The following KMT2C variants were observed in gnomAD, a reference collection of about 807,000 sequenced individuals.
KMT2C encodes histone-lysine N-methyltransferase 2C.
A neutral mutation model predicts 507.9 loss-of-function variants in KMT2C; 88 were observed. That is an observed-to-expected ratio of 0.17 (90% CI 0.15 to 0.21). The LOEUF is 0.21. Among genes scored for constraint, KMT2C ranks in the 10% least tolerant of loss-of-function variants. The probability of loss-of-function intolerance (pLI) is 1.00; values close to 1 mark genes in which losing one functional copy is unlikely to be tolerated. For synonymous variants in KMT2C, 2,049 were observed against 2,080.8 expected, an observed-to-expected ratio of 0.98 and a Z score of 0.42; for missense variants, 4,954 against 5,957.8, an observed-to-expected ratio of 0.83 and a Z score of 5.55.
At chr7:152,150,794 C>A (rs924528054) in intron 51 of KMT2C, 106 bp downstream of exon 51, 12 of 783,000 alleles carry the variant, frequency 1.5e-5, no homozygotes, top group Non-Finnish European at 2.4e-5. Flanking sequence ...ATTCCCCACA[C>A]AGAGCTCCAT....
chr7:152,364,570 C>T (rs1382895439), intron 1 of KMT2C, among the ~76,000 whole-genome samples: 4 of 147,412 alleles, frequency 2.7e-5, no homozygotes, highest in African/African-American at 7.9e-5. Context: ...GATTACACCA[C>T]TGCACTCCAG....
intron 1 of KMT2C, among the ~76,000 whole-genome samples, chr7:152,415,029 A>G (rs1360832580): frequency 6.6e-6 from 1 of 151,874 alleles, no homozygotes; most frequent in Non-Finnish European, 1.5e-5. Flanking sequence ...ATTTTTTTGT[A>G]GAGACAGGAT....
chr7:152,341,607 A>G (rs967798959), intron 2 of KMT2C, among the ~76,000 whole-genome samples: 35 of 152,220 alleles, frequency 2.3e-4, no homozygotes, highest in African/African-American at 8.2e-4. Context: ...CAGAAGGGAG[A>G]GTGCCAGAAC....
At chr7:152,414,738 C>T (rs1227975318) in intron 1 of KMT2C, among the ~76,000 whole-genome samples, 1 of 152,032 alleles carries the variant, frequency 6.6e-6, no homozygotes, top group East Asian at 1.9e-4. Flanking sequence ...TCAGGTGATC[C>T]ACCCACCTCA....
At chr7:152,206,006 G>C (rs2129137754) in intron 24 of KMT2C, among the ~76,000 whole-genome samples, 1 of 152,272 alleles carries the variant, frequency 6.6e-6, no homozygotes, top group South Asian at 2.1e-4. Context: ...ATAGAGCCCT[G>C]TGTTTAACAG....
At chr7:152,189,763 A>G (rs1162431730) in intron 31 of KMT2C, among the ~76,000 whole-genome samples, 1 of 152,206 alleles carries the variant, frequency 6.6e-6, no homozygotes, top group African/African-American at 2.4e-5. Flanking sequence ...ACAATGACAA[A>G]TATCTCATGA....
rs754727782 is a variant in KMT2C at position 152,181,774 on chromosome 7, G to C, written c.6086C>G (p.Pro2029Arg). ...RQRIPDSYAR[P>R]LLTPAPLDSG... ...ATCAAGAGGTGCAGGTGTCAACAAG[G>C]GTCGTGCATATGAGTCAGGTATCCT... Residue 2029 changes from proline (P) to arginine (R), a missense_variant, in exon 36 of 59, where the codon CCC becomes CGC. Pro to Arg is a moderately radical substitution (Grantham distance 103). Transcript: ENST00000262189. The C allele has an allele frequency of 1.1e-5, 17 of 1,613,952 alleles. No individual in the cohort carries two copies. Among genetic ancestry groups the C allele is most frequent in the African/African-American group, 2.7e-5 (2 of 74,870 alleles).
At chr7:152,289,647 G>A (rs555163311) in intron 6 of KMT2C, among the ~76,000 whole-genome samples, 15 of 152,296 alleles carry the variant, frequency 9.8e-5, no homozygotes, top group Non-Finnish European at 1.8e-4. Flanking sequence ...TAGAACATGA[G>A]TGGACAATAA....
intron 16 of KMT2C, among the ~76,000 whole-genome samples, chr7:152,231,475 G>T (rs1377696128): frequency 1.3e-5 from 2 of 152,296 alleles, no homozygotes; most frequent in Non-Finnish European, 2.9e-5. Flanking sequence ...CTTTTCTTGA[G>T]GAACAACTGA....
intron 4 of KMT2C, 44 bp downstream of exon 4, chr7:152,315,094 T>C (rs200285496): frequency 1.6e-5 from 23 of 1,419,312 alleles, no homozygotes; most frequent in East Asian, 1.4e-4. Context: ...ATAAATTATA[T>C]GCAGTCTTAA....
intron 48 of KMT2C, among the ~76,000 whole-genome samples, 194 bp from the exon 49 acceptor site, chr7:152,153,148 T>C (rs2091777196): frequency 6.6e-6 from 1 of 152,100 alleles, no homozygotes; most frequent in Non-Finnish European, 1.5e-5. Flanking sequence ...AAAAGAAATT[T>C]ATAAACAGAA....
At position 152,218,250 on chromosome 7, in the gene KMT2C, T is replaced by C. The variant is rs2094639777; in HGVS notation, c.3712+2273A>G. Among the ~76,000 whole-genome samples, 15 of 152,236 alleles carry C rather than the reference T, an allele frequency of 9.9e-5. No homozygotes were observed. The South Asian group carries it at 3.1e-3, about 32-fold the overall frequency. ...CTCGATCTTGGCTCACTGCAACCTC[T>C]GCCTCCTGGGTTCAAGCAATCCTCT... is the stretch of plus-strand genomic sequence containing the variant. On this transcript the variant is annotated intron_variant, in intron 23 of 58. Transcript: ENST00000262189.
chr7:152,140,835 C>T (rs1011403160), intron 55 of KMT2C, among the ~76,000 whole-genome samples: 1 of 152,204 alleles, frequency 6.6e-6, no homozygotes, highest in Non-Finnish European at 1.5e-5. Flanking sequence ...CTTTGATTAT[C>T]TGTTCTACTC....
intron 40 of KMT2C, among the ~76,000 whole-genome samples, chr7:152,170,578 C>A (rs2092919634): frequency 6.6e-6 from 1 of 152,208 alleles, no homozygotes; most frequent in African/African-American, 2.4e-5. Flanking sequence ...TCTCGGCTCA[C>A]TGCAACCTCT....
chr7:152,423,471 C>G (rs1051426538), intron 1 of KMT2C, among the ~76,000 whole-genome samples: 5 of 152,180 alleles, frequency 3.3e-5, no homozygotes, highest in African/African-American at 1.2e-4. Flanking sequence ...GCTGTGTGCC[C>G]TTGGACTCCT....
At chr7:152,422,005 A>G (rs940936163) in intron 1 of KMT2C, among the ~76,000 whole-genome samples, 1 of 152,198 alleles carries the variant, frequency 6.6e-6, no homozygotes, top group Non-Finnish European at 1.5e-5. Context: ...AGAATAACCA[A>G]ATGTTTTCAA....
At chr7:152,285,795 G>GCCAA (rs1379628312) in intron 6 of KMT2C, among the ~76,000 whole-genome samples, 2 of 152,214 alleles carry the variant, frequency 1.3e-5, no homozygotes, top group Non-Finnish European at 2.9e-5. Flanking sequence ...GAGCAGCCTA[G>GCCAA]CCAACATGGC....
chr7:152,241,757 T>C (rs893818896), intron 14 of KMT2C, among the ~76,000 whole-genome samples: 23 of 152,226 alleles, frequency 1.5e-4, no homozygotes, highest in Admixed American at 3.3e-4. Flanking sequence ...TTTTAGTCGA[T>C]AGTTTAATAT....
intron 6 of KMT2C, among the ~76,000 whole-genome samples, chr7:152,303,983 T>C (rs552889006): frequency 2.6e-5 from 4 of 152,154 alleles, no homozygotes; most frequent in African/African-American, 4.8e-5. Flanking sequence ...AGAGAGACTA[T>C]GTCTCCAAAA....
Sources: gnomAD v4.1 joint callset for allele counts (sites outside exome capture counted in the v4.1 genomes callset) on GRCh38, gnomAD v4.1.1 for gene constraint, MANE v1.5 for transcripts, NCBI Gene and HGNC (gene_info 2026-07-23, HGNC 2026-07-21) for gene names.